Variants in RPL3 observed in about 807,000 individuals in gnomAD.
RPL3 encodes the protein large ribosomal subunit protein uL3.
In RPL3, 3 loss-of-function variants were observed where a neutral mutation model predicts 46.0. The ratio of observed to expected loss-of-function variants is 0.07; its 90% CI spans 0.03 to 0.17. The LOEUF is 0.17. Ranked by LOEUF, RPL3 falls within the 10% of genes least tolerant of loss-of-function variation. The pLI is 1.00. For missense variants in RPL3, 387 were observed against 532.7 expected, an observed-to-expected ratio of 0.73 and a Z score of 2.69; for synonymous variants, 224 against 190.8, an observed-to-expected ratio of 1.17 and a Z score of -1.43.
chr22:39,316,911 G>A lies in RPL3; in HGVS notation c.366-70C>T, dbSNP rs146588057. 8.2e-3 allele frequency: 13,161 copies of A among 1,607,250 alleles called. 77 individuals are homozygous for A. Among genetic ancestry groups the A allele is most frequent in the Non-Finnish European group, 0.01 (11,752 of 1,174,800 alleles). ...TTCATCACCCCTCCGAGGGGTGAGC[G>A]GAAGGCACACTGGCACCGCGTGGGG... On this transcript the variant is annotated intron_variant, in intron 3 of 9. Transcript: ENST00000216146.
chr22:39,314,995 GCTGGATAGGCT>G, intron 5 of RPL3, 149 bp from the exon 6 acceptor site: 1 of 1,130,448 alleles, frequency 8.8e-7, no homozygotes. Context: ...CCCCTGTCAA[GCTGGATAGGCT>G]CTGGGGGTGT....
intron 1 of RPL3, 36 bp downstream of exon 1, chr22:39,319,559 C>A: frequency 6.4e-7 from 1 of 1,561,312 alleles, no homozygotes; most frequent in Non-Finnish European, 8.7e-7. Flanking sequence ...GTGCCGACGC[C>A]GGTGACAATG....
chr22:39,318,421 C>T lies in RPL3; in HGVS notation c.175G>A (p.Glu59Lys). ...YKAGMTHIVR[E>K]VDRPGSKVNK... ...ATACTGGATCCCGGCCTGTCGACTT[C>T]CCGCACGATGTGAGTCATGCCAGCC... The change falls in exon 2 of 10, where the codon GAA (glutamate) becomes AAA (lysine). Residue 59 changes from glutamate (E) to lysine (K), a missense_variant. This residue lies in a region of RPL3 where 196 missense variants were observed against 217.5 expected (regional missense o/e 0.90). Coordinates refer to ENST00000216146, the MANE Select transcript of RPL3 (RefSeq NM_000967.4). 6.2e-7 allele frequency: 1 copy of T among 1,614,014 alleles called. No homozygotes were observed. The highest frequency in any genetic ancestry group is 8.5e-7 in the Non-Finnish European group (1 of 1,179,942).
intron 4 of RPL3, among the ~76,000 whole-genome samples, 174 bp from the exon 5 acceptor site, chr22:39,315,729 CAACTT>C (rs1922646389): frequency 6.6e-6 from 1 of 152,224 alleles, no homozygotes. Flanking sequence ...CCAACAGCAA[CAACTT>C]AACTTTGGAT....
At chr22:39,314,634 C>G in intron 6 of RPL3, 52 bp downstream of exon 6, 1 of 1,563,482 alleles carries the variant, frequency 6.4e-7, no homozygotes, top group Non-Finnish European at 8.7e-7. Context: ...AACCCCACTC[C>G]CCATCACGGG....
rs1922550621 is a variant in RPL3, at chr22:39,314,422, G to A, written c.850-214C>T. On this transcript the variant is annotated intron_variant, in intron 6 of 9. Coordinates refer to ENST00000216146, the MANE Select transcript of RPL3 (RefSeq NM_000967.4). ...CTAAAGATCCTGCTGTACAACACAG[G>A]CCTGTCACCCCCCTGGTGGTGGCAT... The A allele has an allele frequency of 2.2e-5, 14 of 627,772 alleles. No individual in the cohort carries two copies. The South Asian group carries it at 2.7e-4, about 12-fold the overall frequency. The allele number at this position is 627,772 out of a possible 1,614,324, so 38.9% of individuals were successfully genotyped here.
In RPL3 at chr22:39,317,610, C is replaced by T; in HGVS notation, c.216G>A (p.Val72=). 1 of 1,613,796 alleles carries T rather than the reference C, an allele frequency of 6.2e-7. No homozygotes were observed. Among genetic ancestry groups the T allele is most frequent in the Non-Finnish European group, 8.5e-7 (1 of 1,179,784 alleles). Residue 72 remains valine, a synonymous_variant, in exon 3 of 10, where the codon GTG becomes GTA. Coordinates refer to ENST00000216146, the MANE Select transcript of RPL3 (RefSeq NM_000967.4). ...TCTCTACAATGGTCACAGCCTCCAC[C>T]ACCTCCTTCTTGTTCACCTCTGCAA... ...RPGSKVNKKE[V]VEAVTIVETP... is the part of the protein sequence containing the mutation.
chr22:39,314,070 T>C (rs1922526710), intron 7 of RPL3, 37 bp downstream of exon 7: 2 of 1,563,878 alleles, frequency 1.3e-6, no homozygotes, highest in South Asian at 2.2e-5. Context: ...GCACGAGGCC[T>C]GGGATGGCCT....
intron 3 of RPL3, 163 bp from the exon 4 acceptor site, chr22:39,317,004 G>C (rs567028384): frequency 9.5e-7 from 1 of 1,057,560 alleles, no homozygotes; most frequent in Non-Finnish European, 1.4e-6. Context: ...GGAGCTCATC[G>C]GGCAGAGCCG....
chr22:39,316,890 T>C, intron 3 of RPL3, 49 bp from the exon 4 acceptor site: 7 of 1,613,038 alleles, frequency 4.3e-6, no homozygotes, highest in Non-Finnish European at 5.9e-6. Flanking sequence ...CAGGCCTTCA[T>C]CACCCCTCCG....
At chr22:39,318,060 G>A (rs559191749) in intron 2 of RPL3, 70 of 353,294 alleles carry the variant, frequency 2.0e-4, no homozygotes, top group Middle Eastern at 1.7e-3. Context: ...AAGCTTTCAG[G>A]TGAAAAAAAC....
At chr22:39,313,420 C>G (rs748814063) in intron 8 of RPL3, 110 bp from the exon 9 acceptor site, 82 of 1,521,896 alleles carry the variant, frequency 5.4e-5, no homozygotes, top group Non-Finnish European at 7.0e-5. Flanking sequence ...TCAGCCTCCC[C>G]CACCATCCGG....
chr22:39,313,852 TCCGCAGTCTGTCTCGGGCG>T, intron 7 of RPL3, 123 bp from the exon 8 acceptor site: 1 of 982,510 alleles, frequency 1.0e-6, no homozygotes, highest in Non-Finnish European at 1.6e-6. Flanking sequence ...AAGGAACGGT[TCCGCAGTCTGTCTCGGGCG>T]CTGTGCCCAG....
intron 6 of RPL3, 145 bp from the exon 7 acceptor site, chr22:39,314,353 G>A: frequency 1.4e-6 from 1 of 724,218 alleles, no homozygotes; most frequent in Non-Finnish European, 2.3e-6. Context: ...GCAAAAAGCT[G>A]GCTGGCCCTC....
rs529971722 is a variant in RPL3 at position 39,315,900 on chromosome 22, T to C, written c.502-345A>G. Among the ~76,000 whole-genome samples, 171 of 152,278 alleles carry C rather than the reference T, an allele frequency of 1.1e-3. 1 individual carries two copies. Among genetic ancestry groups the C allele is most frequent in the African/African-American group, 4.1e-3 (169 of 41,560 alleles). On this transcript the variant is annotated intron_variant, in intron 4 of 9. Transcript: ENST00000216146. The stretch of plus-strand genomic sequence containing the variant: ...GTGGTTTTACCTCAGCCACCTACAC[T>C]TGCCCTAGTGACAAGCCTGCTTTTG...
intron 8 of RPL3, 30 bp downstream of exon 8, chr22:39,313,604 C>A (rs781684456): frequency 3.7e-6 from 6 of 1,600,376 alleles, no homozygotes; most frequent in South Asian, 2.2e-5. Context: ...CTACAAGAGC[C>A]CCCCCATGAC....
chr22:39,316,417 C>T (rs1237085939), intron 4 of RPL3, among the ~76,000 whole-genome samples: 2 of 152,176 alleles, frequency 1.3e-5, no homozygotes, highest in African/African-American at 2.4e-5. Flanking sequence ...CAAGAGGCAC[C>T]CACTCTAACC....
intron 7 of RPL3, 157 bp downstream of exon 7, chr22:39,313,950 G>A (rs113194089): frequency 2.0e-5 from 17 of 837,684 alleles, no homozygotes; most frequent in African/African-American, 6.6e-5. Flanking sequence ...CAACCCCGAC[G>A]AGTGGACTCA....
Position 39,313,213 on chromosome 22 carries a change from A to G in RPL3, c.1145T>C (p.Met382Thr). The change falls in exon 9 of 10, where the codon ATG becomes ACG. Residue 382 changes from methionine (M) to threonine (T), a missense_variant. Met to Thr is a moderately conservative substitution (Grantham distance 81, BLOSUM62 -1). Coordinates refer to ENST00000216146, the MANE Select transcript of RPL3 (RefSeq NM_000967.4). ...CACCATGAATGCTTTCTTCTCCTCC[A>G]TGGTCTGGAAGCGGCCATGGCCAAA... Reference protein sequence around the residue: ...SKFGHGRFQTMEEKKAFMGPL... With the variant: ...SKFGHGRFQTTEEKKAFMGPL... The G allele has an allele frequency of 6.2e-7, 1 of 1,609,370 alleles. No homozygotes were observed. The highest frequency in any genetic ancestry group is 8.5e-7 in the Non-Finnish European group (1 of 1,177,906).
Sources: allele counts gnomAD v4.1 joint callset (sites outside exome capture counted in the v4.1 genomes callset), GRCh38; gene constraint gnomAD v4.1.1; regional missense constraint gnomAD v4.1.1; transcripts MANE v1.5; gene names NCBI Gene and HGNC (gene_info 2026-07-23, HGNC 2026-07-21).